TBC1D22A: variants seen among roughly 807,000 people sequenced by gnomAD.
TBC1D22A encodes the protein TBC1 domain family member 22A, also known as putative GTPase activator.
Under a neutral mutation model 60.2 loss-of-function variants are expected in TBC1D22A, and 38 were observed. The observed-to-expected ratio is 0.63, with a 90% confidence interval of 0.49 to 0.83. TBC1D22A has a LOEUF of 0.83. TBC1D22A is among the 40% of genes least tolerant of loss of function. TBC1D22A has a pLI of 0.00. For missense variants in TBC1D22A, 628 were observed against 701.0 expected (o/e 0.90, Z 1.18); for synonymous variants, 302 against 281.7 (o/e 1.07, Z -0.72).
chr22:47,019,657 C>A (rs985066432), intron 10 of TBC1D22A, among the ~76,000 whole-genome samples: 2 of 151,758 alleles, frequency 1.3e-5, no homozygotes, highest in African/African-American at 4.8e-5. Context: ...ACGTTGTGGG[C>A]AGTGGTGTGA....
At chr22:47,084,363 C>T (rs951421429) in intron 11 of TBC1D22A, among the ~76,000 whole-genome samples, 6 of 152,164 alleles carry the variant, frequency 3.9e-5, no homozygotes, top group African/African-American at 1.2e-4. Flanking sequence ...CGGCAGCTTC[C>T]GCATCAGCAG....
rs927492166 is a variant in TBC1D22A, at chr22:47,037,290, G to A, written c.1329+92G>A. The A allele has an allele frequency of 4.6e-6, 7 of 1,537,348 alleles. No homozygotes were observed. The African/African-American group carries it at 5.5e-5, about 12-fold the overall frequency. The stretch of plus-strand genomic sequence containing the variant: ...TGCCCTGGGCCTGTGTGCTGCATTC[G>A]ATTTTTTCTTCCAAGCGCTCTCTCC... On this transcript the variant is annotated intron_variant, in intron 11 of 12. Transcript: ENST00000337137.
At chr22:46,966,358 G>A (rs1017923276) in intron 8 of TBC1D22A, among the ~76,000 whole-genome samples, 8 of 152,172 alleles carry the variant, frequency 5.3e-5, no homozygotes, top group Non-Finnish European at 1.0e-4. Context: ...GAAAGCATCG[G>A]GAGAGCCCAT....
chr22:47,003,065 C>T (rs2061449591), intron 10 of TBC1D22A, among the ~76,000 whole-genome samples: 1 of 152,116 alleles, frequency 6.6e-6, no homozygotes, highest in South Asian at 2.1e-4. Context: ...CCTTCTAACC[C>T]CACGGAACCT....
chr22:47,086,950 A>G (rs977132936), intron 11 of TBC1D22A, among the ~76,000 whole-genome samples: 2 of 152,364 alleles, frequency 1.3e-5, no homozygotes, highest in East Asian at 3.9e-4. Context: ...ATATCCATCA[A>G]TGTGAAACTG....
intron 10 of TBC1D22A, among the ~76,000 whole-genome samples, chr22:47,024,235 G>A (rs889068462): frequency 6.6e-6 from 1 of 152,136 alleles, no homozygotes; most frequent in Admixed American, 6.5e-5. Context: ...TAAGCTAACA[G>A]AGGAGATAAA....
At chr22:47,107,982 A>T (rs976237902) in intron 11 of TBC1D22A, among the ~76,000 whole-genome samples, 1 of 152,238 alleles carries the variant, frequency 6.6e-6, no homozygotes, top group Non-Finnish European at 1.5e-5. Context: ...AGACACCAAC[A>T]GCATGATCTG....
At chr22:47,012,436 G>A (rs1353322919) in intron 10 of TBC1D22A, among the ~76,000 whole-genome samples, 4 of 152,130 alleles carry the variant, frequency 2.6e-5, no homozygotes, top group Non-Finnish European at 1.5e-5. Context: ...AGGCACCAGG[G>A]GATTATTGTC....
At chr22:47,064,941 G>C (rs988444850) in intron 11 of TBC1D22A, among the ~76,000 whole-genome samples, 6 of 152,116 alleles carry the variant, frequency 3.9e-5, no homozygotes, top group African/African-American at 1.2e-4. Context: ...GTTTCTAAGG[G>C]ATGTATCAAG....
intron 4 of TBC1D22A, among the ~76,000 whole-genome samples, chr22:46,826,468 C>A (rs140518523): frequency 2.1e-3 from 315 of 152,226 alleles, no homozygotes; most frequent in African/African-American, 7.3e-3. Flanking sequence ...ATCAAGTTTT[C>A]TTTTTTCACA....
intron 1 of TBC1D22A, among the ~76,000 whole-genome samples, chr22:46,780,023 C>T (rs567220439): frequency 5.3e-5 from 8 of 152,298 alleles, no homozygotes; most frequent in African/African-American, 1.7e-4. Context: ...GATGGTTTTT[C>T]GTACATTTTT....
intron 1 of TBC1D22A, among the ~76,000 whole-genome samples, chr22:46,787,055 T>C (rs531821073): frequency 3.3e-5 from 5 of 152,336 alleles, no homozygotes; most frequent in Admixed American, 6.5e-5. Flanking sequence ...AAGTTTCAGT[T>C]GTGTGTATCT....
intron 11 of TBC1D22A, among the ~76,000 whole-genome samples, chr22:47,076,051 T>C (rs2064192333): frequency 2.0e-5 from 3 of 152,114 alleles, no homozygotes; most frequent in African/African-American, 7.2e-5. Flanking sequence ...ATTAGGTAAA[T>C]GTTGCCAGAA....
chr22:46,841,101 A>G (rs1028341139), intron 4 of TBC1D22A, among the ~76,000 whole-genome samples: 1 of 151,978 alleles, frequency 6.6e-6, no homozygotes, highest in African/African-American at 2.4e-5. Flanking sequence ...AAAGAGAGAG[A>G]GAGAAAATGG....
chr22:46,808,389 AT>A (rs2147010689), intron 4 of TBC1D22A, among the ~76,000 whole-genome samples: 1 of 152,156 alleles, frequency 6.6e-6, no homozygotes, highest in East Asian at 1.9e-4. Context: ...AAATAAAGAA[AT>A]GCAGTAGGGA....
At chr22:47,166,970 GC>G (rs1330266874) in intron 12 of TBC1D22A, among the ~76,000 whole-genome samples, 1 of 152,358 alleles carries the variant, frequency 6.6e-6, no homozygotes, top group African/African-American at 2.4e-5. Context: ...CAGCTGCCCA[GC>G]CGGACAAGGA....
chr22:46,835,334 A>G (rs781219880), intron 4 of TBC1D22A, among the ~76,000 whole-genome samples: 1 of 152,278 alleles, frequency 6.6e-6, no homozygotes, highest in Non-Finnish European at 1.5e-5. Flanking sequence ...TTGAGAAAAC[A>G]GACAACTCAA....
At chr22:47,044,634 C>T (rs374937572) in intron 11 of TBC1D22A, among the ~76,000 whole-genome samples, 1 of 152,192 alleles carries the variant, frequency 6.6e-6, no homozygotes, top group African/African-American at 2.4e-5. Context: ...GCTTTCCATG[C>T]CTGCCCGCCC....
In TBC1D22A at chr22:47,000,011, C is replaced by T. The variant is rs552564741; in HGVS notation, c.1201+2302C>T. On this transcript the variant is annotated intron_variant, in intron 10 of 12. Transcript: ENST00000337137. ...CTGCACTCCAGCCTGGGTGACAGAGCGAGACTCCATCTCAAAAACAAAAAC... is the reference window on the plus strand; with the variant it reads ...CTGCACTCCAGCCTGGGTGACAGAGTGAGACTCCATCTCAAAAACAAAAAC... Among the ~76,000 whole-genome samples, 58 of 152,230 alleles carry T rather than the reference C, an allele frequency of 3.8e-4. No individual in the cohort carries two copies. The East Asian group carries it at 3.9e-3, about 10-fold the overall frequency.
Sources: allele counts gnomAD v4.1 joint callset (sites outside exome capture counted in the v4.1 genomes callset), GRCh38; gene constraint gnomAD v4.1.1; transcripts MANE v1.5; gene names NCBI Gene and HGNC (gene_info 2026-07-23, HGNC 2026-07-21).